The following LRP2 variants were observed in gnomAD, a reference collection of about 807,000 sequenced individuals.
LRP2 encodes low-density lipoprotein receptor-related protein 2.
LRP2 carries 172 observed loss-of-function variants against 531.0 expected under a neutral mutation model. That is an observed-to-expected ratio of 0.32 (90% CI 0.29 to 0.37). The LOEUF (loss-of-function observed/expected upper bound fraction) is 0.37. Ranked by LOEUF, LRP2 falls within the 10% of genes least tolerant of loss-of-function variation. The probability of loss-of-function intolerance (pLI) is 1.00; values close to 1 mark genes in which losing one functional copy is unlikely to be tolerated. For synonymous variants in LRP2, 1,992 were observed against 2,027.6 expected (o/e 0.98, Z 0.47); for missense variants, 5,167 against 5,868.3 (o/e 0.88, Z 3.90).
chr2:169,202,782 C>A lies in LRP2; in HGVS notation c.8183G>T (p.Gly2728Val). 6.2e-7 allele frequency: 1 copy of A among 1,614,192 alleles called. No homozygotes were observed. ...KCDNDNDCGD[G>V]SDEMESVCAL... Reference sequence around the variant, plus strand: ...ACAGACACTTTCCATCTCATCACTGCCATCCCCACAGTCGTTGTCATTATC... The same window carrying A: ...ACAGACACTTTCCATCTCATCACTGACATCCCCACAGTCGTTGTCATTATC... Residue 2728 changes from glycine (G) to valine (V), a missense_variant, in exon 43 of 79, where the codon GGC (glycine) becomes GTC (valine). Around this residue, in one of 6 missense-constraint regions of LRP2, gnomAD observed 1,129 missense variants for 1,362.7 expected, o/e 0.83. Transcript: ENST00000649046.
chr2:169,177,901 T>G lies in LRP2; in HGVS notation c.10295A>C (p.Lys3432Thr). ...WTDWNTRTVE[K>T]GNKYDGSNRQ... ...ATTTGATCCATCATATTTGTTTCCC[T>G]TTTCCACTGTCCTTGTATTCCAATC... is the stretch of plus-strand genomic sequence containing the variant. The change falls in exon 53 of 79, where the codon AAG (lysine) becomes ACG (threonine). Residue 3432 changes from lysine to threonine, a missense_variant. Coordinates refer to ENST00000649046, the MANE Select transcript of LRP2 (RefSeq NM_004525.3). 1 of 1,614,184 alleles carries G rather than the reference T, an allele frequency of 6.2e-7. No individual in the cohort carries two copies. Among genetic ancestry groups the G allele is most frequent in the Non-Finnish European group, 8.5e-7 (1 of 1,179,988 alleles).
chr2:169,155,053 C>A (rs1472525872), intron 65 of LRP2, among the ~76,000 whole-genome samples: 2 of 152,128 alleles, frequency 1.3e-5, no homozygotes, highest in Non-Finnish European at 2.9e-5. Context: ...TTTTATGATT[C>A]TTTTTAGCAG....
At chr2:169,173,605 C>T (rs779779529) in intron 56 of LRP2, among the ~76,000 whole-genome samples, 28 of 152,272 alleles carry the variant, frequency 1.8e-4, no homozygotes, top group Non-Finnish European at 3.4e-4. Flanking sequence ...CCTTCCCTAC[C>T]TCATAACATT....
In LRP2 at chr2:169,233,509, C is replaced by T. The variant is rs772123749; in HGVS notation, c.5000G>A (p.Arg1667Gln). 17 of 1,614,056 alleles carry T rather than the reference C, an allele frequency of 1.1e-5. 1 individual carries two copies. The highest frequency in any genetic ancestry group is 7.7e-5 in the South Asian group (7 of 91,068). The change falls in exon 30 of 79, where the codon CGA (arginine) becomes CAA (glutamine). Residue 1667 changes from arginine to glutamine, a missense_variant. Transcript: ENST00000649046. ...GTTCCCTCCATGCCACTTGTTGGCT[C>T]GCATAACCCGACGAGTAGCACGGTC... is the stretch of plus-strand genomic sequence containing the variant. Reference protein sequence around the residue: ...WTDRATRRVMRANKWHGGNQS... With the variant: ...WTDRATRRVMQANKWHGGNQS...
chr2:169,170,466 T>C (rs1394205159), intron 59 of LRP2, 85 bp downstream of exon 59: 1 of 1,033,906 alleles, frequency 9.7e-7, no homozygotes, highest in Non-Finnish European at 1.5e-6. Context: ...ATAATTTTCC[T>C]CTAAAAGCCT....
Position 169,262,842 on chromosome 2 carries a change from A to G in LRP2, c.2321-3625T>C, listed in dbSNP as rs1690623503. On this transcript the variant is annotated intron_variant, in intron 16 of 78. Coordinates refer to ENST00000649046, the MANE Select transcript of LRP2 (RefSeq NM_004525.3). ...GAGGCATCACACTACCTGACTTCAA[A>G]CTATCCTACAAGGCTATAGTAAGCA... 2.6e-5 allele frequency among the ~76,000 whole-genome samples: 4 copies of G among 152,264 alleles called. No homozygotes were observed. In the South Asian group the frequency reaches 6.2e-4, roughly 24 times the overall value.
chr2:169,302,555 A>T (rs1684311551), intron 4 of LRP2, among the ~76,000 whole-genome samples: 1 of 152,158 alleles, frequency 6.6e-6, no homozygotes, highest in African/African-American at 2.4e-5. Context: ...ATACTGTTAG[A>T]CATTCTACAA....
rs1472214225 is a variant in LRP2, at chr2:169,171,900, G to A, written c.11263+115C>T. Reference sequence around the variant, plus strand: ...CCAGCAGAAAGAAAGAGATCAGACAGCTTGATATCATCCTACCCATTGAGG... The same window carrying A: ...CCAGCAGAAAGAAAGAGATCAGACAACTTGATATCATCCTACCCATTGAGG... On this transcript the variant is annotated intron_variant, in intron 58 of 78. Transcript: ENST00000649046. 43 of 1,289,298 alleles carry A rather than the reference G, an allele frequency of 3.3e-5. No homozygotes were observed. In the Admixed American group the frequency reaches 7.1e-4, roughly 21 times the overall value. The allele number at this position is 1,289,298 out of a possible 1,614,324, so 79.9% of individuals were successfully genotyped here.
intron 1 of LRP2, among the ~76,000 whole-genome samples, chr2:169,348,998 C>A (rs79672267): frequency 6.6e-6 from 1 of 152,160 alleles, no homozygotes; most frequent in Non-Finnish European, 1.5e-5. Context: ...CCCTTCTTAG[C>A]ACCCATGGTG....
chr2:169,283,158 A>C (rs1683752601), intron 9 of LRP2, among the ~76,000 whole-genome samples, 157 bp from the exon 10 acceptor site: 1 of 152,226 alleles, frequency 6.6e-6, no homozygotes, highest in African/African-American at 2.4e-5. Flanking sequence ...AATTTATAAC[A>C]ACCATCTTCA....
At chr2:169,187,429 A>G (rs1302933886) in intron 49 of LRP2, among the ~76,000 whole-genome samples, 1 of 152,228 alleles carries the variant, frequency 6.6e-6, no homozygotes, top group Non-Finnish European at 1.5e-5. Context: ...ACATGAAACA[A>G]TGGTTACAAG....
chr2:169,277,648 A>G, intron 13 of LRP2, 97 bp downstream of exon 13: 1 of 1,094,972 alleles, frequency 9.1e-7, no homozygotes, highest in Non-Finnish European at 1.4e-6. Flanking sequence ...CCAACAAAGC[A>G]ATATTTTAAT....
Position 169,202,931 on chromosome 2 carries a change from T to C in LRP2, c.8034A>G (p.Pro2678=), listed in dbSNP as rs746742116. The C allele has an allele frequency of 6.2e-7, 1 of 1,614,212 alleles. No homozygotes were observed. Among genetic ancestry groups the C allele is most frequent in the Non-Finnish European group, 8.5e-7 (1 of 1,180,024 alleles). ...PGPNGAECQC[P]HEGNWYLANN... The stretch of plus-strand genomic sequence containing the variant: ...TGGCCAAATACCAGTTGCCCTCATG[T>C]GGACACTGGCACTCGGCACCATTTG... Residue 2678 remains proline (P), a synonymous_variant, in exon 43 of 79, where the codon CCA becomes CCG. Transcript: ENST00000649046.
In LRP2 at chr2:169,139,234, C is replaced by G. The variant is rs375092874; in HGVS notation, c.13388+17G>C. Reference sequence around the variant, plus strand: ...TCTTAGGCTTCAAACATCAACGTTCCCCATAATGAAACTGACCTTGGCAGC... The same window carrying G: ...TCTTAGGCTTCAAACATCAACGTTCGCCATAATGAAACTGACCTTGGCAGC... On this transcript the variant is annotated intron_variant, in intron 74 of 78. Coordinates refer to ENST00000649046, the MANE Select transcript of LRP2 (RefSeq NM_004525.3). 9 of 1,613,952 alleles carry G rather than the reference C, an allele frequency of 5.6e-6. No homozygotes were observed. In the Admixed American group the frequency reaches 6.7e-5, roughly 12 times the overall value.
chr2:169,223,995 A>G lies in LRP2; in HGVS notation c.5538+1315T>C, dbSNP rs371938094. Reference sequence around the variant, plus strand: ...CTATTTCTTCATTTGGCAGAAATAAAAACAGTCATCTGCACTCATCCATGG... The same window carrying G: ...CTATTTCTTCATTTGGCAGAAATAAGAACAGTCATCTGCACTCATCCATGG... On this transcript the variant is annotated intron_variant, in intron 33 of 78. Coordinates refer to ENST00000649046, the MANE Select transcript of LRP2 (RefSeq NM_004525.3). 1.8e-4 allele frequency among the ~76,000 whole-genome samples: 28 copies of G among 152,308 alleles called. 1 individual carries two copies. The East Asian group carries it at 2.1e-3, about 12-fold the overall frequency.
chr2:169,282,854 G>A lies in LRP2; in HGVS notation c.1171+19C>T, dbSNP rs374575538. On this transcript the variant is annotated intron_variant, in intron 10 of 78. Transcript: ENST00000649046. Reference sequence around the variant, plus strand: ...ATCTGTTCACTGTTCAGAGACACAGGTGTCCATAATTTACTCACAGGAATC... The same window carrying A: ...ATCTGTTCACTGTTCAGAGACACAGATGTCCATAATTTACTCACAGGAATC... 5 of 1,612,002 alleles carry A rather than the reference G, an allele frequency of 3.1e-6. No homozygotes were observed. Among genetic ancestry groups the A allele is most frequent in the African/African-American group, 2.7e-5 (2 of 74,872 alleles).
chr2:169,129,785 C>T (rs1685219988), intron 77 of LRP2, among the ~76,000 whole-genome samples: 2 of 152,136 alleles, frequency 1.3e-5, no homozygotes, highest in Non-Finnish European at 2.9e-5. Context: ...AACTGGAGAA[C>T]CCAAAGATAA....
intron 10 of LRP2, among the ~76,000 whole-genome samples, chr2:169,281,539 T>A (rs889517170): frequency 6.6e-6 from 1 of 151,468 alleles, no homozygotes; most frequent in African/African-American, 2.4e-5. Context: ...GCTAACATGA[T>A]GAAACCCCGT....
intron 64 of LRP2, 87 bp from the exon 65 acceptor site, chr2:169,156,492 G>A: frequency 6.7e-7 from 1 of 1,483,204 alleles, no homozygotes; most frequent in South Asian, 1.1e-5. Context: ...ATATTCACCA[G>A]CAATGAGGAC....
Sources: allele counts gnomAD v4.1 joint callset (sites outside exome capture counted in the v4.1 genomes callset), GRCh38; gene constraint gnomAD v4.1.1; regional missense constraint gnomAD v4.1.1; transcripts MANE v1.5; gene names NCBI Gene and HGNC (gene_info 2026-07-23, HGNC 2026-07-21).